MPP4: variants seen among roughly 807,000 people sequenced by gnomAD.
MPP4 encodes the protein MAGUK p55 scaffold protein 4, also known as MAGUK p55 subfamily member 4.
In MPP4, 91 loss-of-function variants were observed where a neutral mutation model predicts 98.3. That is an observed-to-expected ratio of 0.93 (90% confidence interval 0.78 to 1.10). The LOEUF (loss-of-function observed/expected upper bound fraction) is 1.10. MPP4 is among the 50% of genes least tolerant of loss of function. The probability of loss-of-function intolerance (pLI) is 0.00; values close to 1 mark genes in which losing one functional copy is unlikely to be tolerated. For missense variants in MPP4, 744 were observed against 792.9 expected (o/e 0.94, Z 0.74); for synonymous variants, 261 against 271.8 (o/e 0.96, Z 0.39).
intron 16 of MPP4, among the ~76,000 whole-genome samples, chr2:201,658,196 T>C (rs1456242442): frequency 6.6e-6 from 1 of 152,174 alleles, no homozygotes; most frequent in Non-Finnish European, 1.5e-5. Flanking sequence ...TTTGTCTCTT[T>C]AGCATAAGAT....
chr2:201,681,849 A>G (rs1035470524), intron 8 of MPP4, among the ~76,000 whole-genome samples: 1 of 151,178 alleles, frequency 6.6e-6, no homozygotes, highest in African/African-American at 2.5e-5. Flanking sequence ...TGAAACAGAA[A>G]CACCCCACCA....
intron 10 of MPP4, among the ~76,000 whole-genome samples, chr2:201,675,862 T>C (rs761880410): frequency 6.6e-6 from 1 of 152,218 alleles, no homozygotes; most frequent in Non-Finnish European, 1.5e-5. Flanking sequence ...AAAGTTGCTC[T>C]TCCTTCTTTA....
intron 18 of MPP4, among the ~76,000 whole-genome samples, chr2:201,653,711 T>G (rs1263716886): frequency 1.3e-5 from 2 of 152,198 alleles, no homozygotes. Context: ...TAAAACAGGT[T>G]GTCTTAGAGT....
At chr2:201,660,444 C>T (rs557459482) in intron 14 of MPP4, 98 bp from the exon 15 acceptor site, 44 of 1,306,114 alleles carry the variant, frequency 3.4e-5, no homozygotes, top group African/African-American at 3.1e-4. Context: ...ATAAGCAAGA[C>T]GTGCACGTCA....
chr2:201,689,504 G>A (rs2105946859), intron 4 of MPP4, among the ~76,000 whole-genome samples: 1 of 152,198 alleles, frequency 6.6e-6, no homozygotes, highest in Admixed American at 6.6e-5. Flanking sequence ...CAGGAGACCA[G>A]ATAGGAGGCA....
At chr2:201,691,544 GTCTC>G (rs996945774) in intron 3 of MPP4, among the ~76,000 whole-genome samples, 3 of 152,120 alleles carry the variant, frequency 2.0e-5, no homozygotes, top group East Asian at 3.8e-4. Flanking sequence ...TTGAGATGGA[GTCTC>G]TCTCTGTCAC....
intron 5 of MPP4, 101 bp from the exon 6 acceptor site, chr2:201,686,151 A>G (rs1688823282): frequency 7.2e-7 from 1 of 1,387,562 alleles, no homozygotes; most frequent in Non-Finnish European, 9.8e-7. Context: ...AACAACAACA[A>G]ACACCAATAC....
intron 13 of MPP4, chr2:201,664,366 A>G: frequency 7.3e-7 from 1 of 1,366,012 alleles, no homozygotes; most frequent in Non-Finnish European, 9.7e-7. Context: ...TAGAAGGTGA[A>G]TAAAATAAAA....
intron 15 of MPP4, among the ~76,000 whole-genome samples, chr2:201,658,824 A>G (rs7602825): frequency 0.78 from 118,422 of 152,166 alleles, 47,250 homozygotes; most frequent in East Asian, 0.95. Context: ...TATGTTTAAA[A>G]ATACATACCC....
rs1487421903 is a variant in MPP4, at chr2:201,674,982, C to A, written c.994+225G>T. The A allele has an allele frequency of 1.6e-5, 11 of 666,686 alleles. No homozygotes were observed. The East Asian group carries it at 2.8e-4, about 17-fold the overall frequency. 41.3% of individuals were successfully genotyped at this position (666,686 alleles called of 1,614,324 possible). A position where few individuals can be genotyped will look rare whatever the true frequency, so the allele number is the denominator to read the frequency against. ...CCCTATGATTTCGTCTCTGATCCAA[C>A]CAATCAGTAGCAAGTGCCCACTGAA... On this transcript the variant is annotated intron_variant, in intron 11 of 21. Transcript: ENST00000409474.
At chr2:201,656,011 A>T (rs1380659156) in intron 17 of MPP4, among the ~76,000 whole-genome samples, 187 bp downstream of exon 17, 1 of 152,236 alleles carries the variant, frequency 6.6e-6, no homozygotes, top group Non-Finnish European at 1.5e-5. Context: ...TAGATTTTTT[A>T]AAAAGCTTGA....
At chr2:201,658,738 A>T (rs547055806) in intron 15 of MPP4, among the ~76,000 whole-genome samples, 2 of 152,340 alleles carry the variant, frequency 1.3e-5, no homozygotes, top group Admixed American at 6.5e-5. Flanking sequence ...TTTGAGCGTT[A>T]CACTGAATGT....
At chr2:201,691,933 A>C (rs905562866) in intron 3 of MPP4, among the ~76,000 whole-genome samples, 4 of 152,230 alleles carry the variant, frequency 2.6e-5, no homozygotes, top group African/African-American at 9.6e-5. Flanking sequence ...TTATTTATCC[A>C]GGGTTGCTGC....
chr2:201,683,933 A>C (rs1034955859), intron 7 of MPP4, among the ~76,000 whole-genome samples: 1 of 152,096 alleles, frequency 6.6e-6, no homozygotes, highest in Non-Finnish European at 1.5e-5. Flanking sequence ...CAGAAGCACA[A>C]CAGTAGCCAG....
chr2:201,648,102 A>C (rs2105909686), intron 20 of MPP4, among the ~76,000 whole-genome samples: 1 of 152,306 alleles, frequency 6.6e-6, no homozygotes, highest in East Asian at 1.9e-4. Flanking sequence ...TGCTCACTGC[A>C]ACTACCGCCT....
At chr2:201,669,941 A>G (rs1688293886) in intron 11 of MPP4, among the ~76,000 whole-genome samples, 191 bp from the exon 12 acceptor site, 1 of 152,232 alleles carries the variant, frequency 6.6e-6, no homozygotes, top group Non-Finnish European at 1.5e-5. Flanking sequence ...TATAAAACTG[A>G]TACATTTGTG....
intron 6 of MPP4, 88 bp from the exon 7 acceptor site, chr2:201,685,233 CAATCAATGCAGCTCTGGTCTT>C: frequency 3.6e-6 from 1 of 280,612 alleles, no homozygotes; most frequent in South Asian, 5.2e-5. Context: ...TCTGGTCTTT[CAATCAATGCAGCTCTGGTCTT>C]TCAATCAATG....
chr2:201,672,568 A>G (rs1030253275), intron 11 of MPP4, among the ~76,000 whole-genome samples: 3 of 152,148 alleles, frequency 2.0e-5, no homozygotes, highest in Non-Finnish European at 4.4e-5. Flanking sequence ...AAAGGGGACA[A>G]CATCACCACT....
chr2:201,666,567 C>A (rs1324268012), intron 12 of MPP4, 195 bp from the exon 13 acceptor site: 8 of 460,660 alleles, frequency 1.7e-5, no homozygotes, highest in Admixed American at 1.3e-4. Flanking sequence ...CCAAAAAAAA[C>A]AAAAATTAGT....
Sources: gnomAD v4.1 joint callset for allele counts (sites outside exome capture counted in the v4.1 genomes callset) on GRCh38, gnomAD v4.1.1 for gene constraint, MANE v1.5 for transcripts, NCBI Gene and HGNC (gene_info 2026-07-23, HGNC 2026-07-21) for gene names.